Variants in NRG1 observed in about 807,000 individuals in gnomAD.
The protein encoded by NRG1 is pro-neuregulin-1, membrane-bound isoform.
A neutral mutation model predicts 63.8 loss-of-function variants in NRG1; 18 were observed. The observed-to-expected ratio is 0.28, with a 90% CI of 0.19 to 0.42. The LOEUF (loss-of-function observed/expected upper bound fraction) is 0.42. NRG1 is among the 10% of genes least tolerant of loss of function. The pLI, the probability that NRG1 is intolerant of heterozygous loss-of-function variation, is 1.00. For synonymous variants in NRG1, 302 were observed against 301.3 expected (o/e 1.00, Z -0.02); for missense variants, 762 against 814.7 (o/e 0.94, Z 0.79).
chr8:31,765,268 A>G (rs1817949908), intron 1 of NRG1, among the ~76,000 whole-genome samples: 1 of 152,106 alleles, frequency 6.6e-6, no homozygotes, highest in Admixed American at 6.5e-5. Context: ...AAAACCTGTC[A>G]TCTGGAAGTA....
chr8:32,754,536 G>A (rs1829326013), intron 8 of NRG1, 62 bp downstream of exon 8: 1 of 1,496,268 alleles, frequency 6.7e-7, no homozygotes, highest in Non-Finnish European at 9.2e-7. Context: ...AGATGGCCAG[G>A]GCTTTGCAGA....
intron 1 of NRG1, among the ~76,000 whole-genome samples, chr8:32,009,656 A>G (rs1814411562): frequency 6.6e-6 from 1 of 152,032 alleles, no homozygotes; most frequent in Non-Finnish European, 1.5e-5. Flanking sequence ...GTGAAGGTGA[A>G]GGAGCTTTAC....
chr8:31,956,033 C>A (rs866282131), intron 1 of NRG1, among the ~76,000 whole-genome samples: 1 of 119,932 alleles, frequency 8.3e-6, no homozygotes, highest in Non-Finnish European at 1.7e-5. Context: ...AGAGTGAGAA[C>A]CTGTCTCAAA....
At chr8:31,869,753 G>A (rs576653246) in intron 1 of NRG1, among the ~76,000 whole-genome samples, 1 of 152,288 alleles carries the variant, frequency 6.6e-6, no homozygotes, top group African/African-American at 2.4e-5. Flanking sequence ...TTAAATGATG[G>A]AATTGTTAAG....
At chr8:32,532,808 C>A (rs1220604360) in intron 1 of NRG1, among the ~76,000 whole-genome samples, 1 of 151,932 alleles carries the variant, frequency 6.6e-6, no homozygotes, top group Admixed American at 6.6e-5. Context: ...ATGATTTAAT[C>A]ATGATTATGT....
At chr8:32,766,642 C>A (rs1292203625) in exon 12 of NRG1, 1 of 152,130 alleles carries the variant, frequency 6.6e-6, no homozygotes, top group Non-Finnish European at 1.5e-5. Flanking sequence ...TGTTGAGAAC[C>A]ATGAGCAACA....
intron 1 of NRG1, among the ~76,000 whole-genome samples, chr8:32,409,861 TG>T (rs1326065288): frequency 3.3e-5 from 5 of 152,146 alleles, no homozygotes; most frequent in African/African-American, 1.2e-4. Flanking sequence ...ATTGGAAGGG[TG>T]ATGGAGATGC....
chr8:31,740,355 C>T (rs1815137277), intron 1 of NRG1, among the ~76,000 whole-genome samples: 2 of 152,022 alleles, frequency 1.3e-5, no homozygotes, highest in African/African-American at 4.8e-5. Flanking sequence ...CAGATGGTAT[C>T]CTGCTTTTAT....
At chr8:32,556,814 A>G (rs17719705) in intron 1 of NRG1, among the ~76,000 whole-genome samples, 7 of 151,990 alleles carry the variant, frequency 4.6e-5, no homozygotes, top group Non-Finnish European at 8.8e-5. Flanking sequence ...AGAGACTTAC[A>G]TTGCATTTTT....
intron 1 of NRG1, among the ~76,000 whole-genome samples, chr8:31,844,833 AT>A (rs945956018): frequency 6.6e-5 from 10 of 152,130 alleles, no homozygotes; most frequent in African/African-American, 2.2e-4. Flanking sequence ...TTAAAAAAAA[AT>A]GAGAGTGAGT....
At chr8:32,002,308 G>A (rs1002412720) in intron 1 of NRG1, among the ~76,000 whole-genome samples, 4 of 152,084 alleles carry the variant, frequency 2.6e-5, no homozygotes, top group Admixed American at 2.6e-4. Context: ...ACAGGCGTGA[G>A]CCACCATGCC....
At chr8:32,571,617 A>G (rs900361595) in intron 1 of NRG1, among the ~76,000 whole-genome samples, 1 of 151,948 alleles carries the variant, frequency 6.6e-6, no homozygotes, top group African/African-American at 2.4e-5. Context: ...TTCAAGGCCT[A>G]GGTTTCCTTT....
intron 1 of NRG1, among the ~76,000 whole-genome samples, chr8:31,691,873 C>T (rs113220967): frequency 0.011 from 1,716 of 152,212 alleles, 28 homozygotes; most frequent in African/African-American, 0.039. Context: ...CAGGGTCTTG[C>T]TCTGTTGCCC....
At chr8:32,329,991 C>T (rs1003542489) in intron 1 of NRG1, among the ~76,000 whole-genome samples, 3 of 141,778 alleles carry the variant, frequency 2.1e-5, no homozygotes, top group Non-Finnish European at 1.5e-5. Flanking sequence ...CCTCCCACCT[C>T]AGTCTCCTGA....
rs115978429 is a variant in NRG1, at chr8:32,248,014, C to T, written c.38-347814C>T. Reference sequence around the variant, plus strand: ...TCATCAAGCCTTAGCTAGCACTGACCACAGCAAAGTTTGTTTCCCACAAGC... The same window carrying T: ...TCATCAAGCCTTAGCTAGCACTGACTACAGCAAAGTTTGTTTCCCACAAGC... On this transcript the variant is annotated intron_variant, in intron 1 of 10. Transcript: ENST00000519301. 3.5e-3 allele frequency among the ~76,000 whole-genome samples: 531 copies of T among 152,122 alleles called. 1 individual carries two copies. Among genetic ancestry groups the T allele is most frequent in the African/African-American group, 0.012 (502 of 41,524 alleles).
chr8:31,767,178 A>G (rs1403534487), intron 1 of NRG1, among the ~76,000 whole-genome samples: 4 of 152,176 alleles, frequency 2.6e-5, no homozygotes, highest in African/African-American at 9.7e-5. Flanking sequence ...ATTACATTAA[A>G]GCCCCATTAT....
exon 1 of NRG1, chr8:31,639,340 G>A: frequency 2.0e-6 from 3 of 1,531,992 alleles, no homozygotes; most frequent in Non-Finnish European, 2.6e-6. Flanking sequence ...GGCGCGCGGG[G>A]ACGGGGACGC....
At chr8:31,812,348 T>C (rs1045631198) in intron 1 of NRG1, among the ~76,000 whole-genome samples, 3 of 152,180 alleles carry the variant, frequency 2.0e-5, no homozygotes, top group African/African-American at 2.4e-5. Context: ...AGGATGGGCC[T>C]GAGAATTTGC....
intron 1 of NRG1, among the ~76,000 whole-genome samples, chr8:32,396,881 C>A (rs4733327): frequency 0.4 from 60,681 of 152,074 alleles, 12,506 homozygotes; most frequent in Admixed American, 0.46. Context: ...AACAGAATTG[C>A]CTTTAATGTC....
Sources: allele counts gnomAD v4.1 joint callset (sites outside exome capture counted in the v4.1 genomes callset), GRCh38; gene constraint gnomAD v4.1.1; transcripts MANE v1.5; gene names NCBI Gene and HGNC (gene_info 2026-07-23, HGNC 2026-07-21).